The following TPST2 variants were observed in gnomAD, a reference collection of about 807,000 sequenced individuals.
TPST2 encodes the protein tyrosylprotein sulfotransferase 2.
TPST2 carries 16 observed loss-of-function variants against 27.8 expected under a neutral mutation model. That is an observed-to-expected ratio of 0.58 (90% CI 0.39 to 0.88). The LOEUF (loss-of-function observed/expected upper bound fraction) is 0.88. TPST2 is among the 40% of genes least tolerant of loss of function. The pLI is 0.00. For synonymous variants in TPST2, 229 were observed against 231.7 expected (o/e 0.99, Z 0.10); for missense variants, 464 against 543.1 (o/e 0.85, Z 1.45).
rs1416176706 is a variant in TPST2 at position 26,523,559 on chromosome 22, CAG to C, written c.*2714_*2715del. 3.3e-5 allele frequency: 5 copies of C among 152,068 alleles called. No individual in the cohort carries two copies. The highest frequency in any genetic ancestry group is 4.8e-5 in the African/African-American group (2 of 41,404). 9.4% of individuals were successfully genotyped at this position (152,068 alleles called of 1,614,324 possible). A position where few individuals can be genotyped will look rare whatever the true frequency, so the allele number is the denominator to read the frequency against. On this transcript the variant is annotated 3_prime_UTR_variant, in exon 7 of 7. Coordinates refer to ENST00000338754, the MANE Select transcript of TPST2 (RefSeq NM_003595.5). The stretch of plus-strand genomic sequence containing the variant: ...AGTGCTACCACTTAGGGGCTAGAAA[CAG>C]AAATTGTATTTATTTTATTTTGTTT...
chr22:26,559,795 C>T (rs908907199), intron 1 of TPST2, among the ~76,000 whole-genome samples: 2 of 152,136 alleles, frequency 1.3e-5, no homozygotes, highest in Non-Finnish European at 2.9e-5. Flanking sequence ...CAGGTCAAAC[C>T]CTGGTTTCTG....
chr22:26,534,892 C>CA (rs1326470181), intron 4 of TPST2, among the ~76,000 whole-genome samples: 1 of 151,812 alleles, frequency 6.6e-6, no homozygotes, highest in Non-Finnish European at 1.5e-5. Flanking sequence ...ATAAAAATAA[C>CA]AAACCACATC....
chr22:26,559,527 T>C (rs1004796817), intron 1 of TPST2, among the ~76,000 whole-genome samples: 1 of 152,170 alleles, frequency 6.6e-6, no homozygotes, highest in Non-Finnish European at 1.5e-5. Context: ...AAGAGAAACC[T>C]CGTACCCTTA....
In TPST2 at chr22:26,542,229, G is replaced by A. The variant is rs138831176; in HGVS notation, c.-88-511C>T. ...TGCACTCCAGCGTGGGCGACAGAGC[G>A]AGACTCCGTCTAAAAAAAAAAAAAA... On this transcript the variant is annotated intron_variant, in intron 2 of 6. Transcript: ENST00000338754. Among the ~76,000 whole-genome samples the A allele has an allele frequency of 4.9e-3, 699 of 142,264 alleles. 4 individuals are homozygous for A. The highest frequency in any genetic ancestry group is 0.015 in the African/African-American group (577 of 38,838). 93.3% of individuals were successfully genotyped at this position (142,264 alleles called of 152,430 possible).
intron 1 of TPST2, among the ~76,000 whole-genome samples, chr22:26,583,118 GAAA>G (rs113898345): frequency 2.0e-5 from 2 of 99,548 alleles, no homozygotes; most frequent in African/African-American, 7.5e-5. Flanking sequence ...TCTCAAAAAG[GAAA>G]AAAAAAAAAA....
At chr22:26,559,493 A>G (rs1926972966) in intron 1 of TPST2, among the ~76,000 whole-genome samples, 1 of 152,180 alleles carries the variant, frequency 6.6e-6, no homozygotes, top group Non-Finnish European at 1.5e-5. Flanking sequence ...GTCATAGTCA[A>G]TTTTGCTACA....
chr22:26,553,975 G>A (rs544612008), intron 1 of TPST2, among the ~76,000 whole-genome samples: 3 of 152,036 alleles, frequency 2.0e-5, no homozygotes, highest in Non-Finnish European at 2.9e-5. Flanking sequence ...CTGAATCCCC[G>A]CATGCAGAAC....
chr22:26,577,655 T>TC (rs1264439907), intron 1 of TPST2, among the ~76,000 whole-genome samples: 1 of 136,978 alleles, frequency 7.3e-6, no homozygotes, highest in Non-Finnish European at 1.5e-5. Context: ...GGCCATTTTT[T>TC]TTTTTTTTTT....
chr22:26,532,602 C>T (rs1925230345), intron 5 of TPST2, 93 bp downstream of exon 5: 1 of 1,335,800 alleles, frequency 7.5e-7, no homozygotes, highest in African/African-American at 1.5e-5. Context: ...AACCATCAAC[C>T]AGAGTGGAGA....
At chr22:26,569,023 T>C (rs5761607) in intron 1 of TPST2, among the ~76,000 whole-genome samples, 111,921 of 151,766 alleles carry the variant, frequency 0.74, 41,602 homozygotes, top group East Asian at 0.96. Context: ...ACCACCACGC[T>C]CAGCTAATTT....
chr22:26,532,305 G>A (rs1602251742), intron 5 of TPST2, among the ~76,000 whole-genome samples: 1 of 152,136 alleles, frequency 6.6e-6, no homozygotes, highest in East Asian at 1.9e-4. Context: ...TTTTGAGATG[G>A]AGTCTCGCTC....
intron 1 of TPST2, among the ~76,000 whole-genome samples, chr22:26,549,077 C>A (rs2267085): frequency 6.6e-6 from 1 of 152,056 alleles, no homozygotes; most frequent in Non-Finnish European, 1.5e-5. Context: ...ATGTGCCTAG[C>A]GCAAATGAGA....
chr22:26,554,420 G>A (rs1217118544), intron 1 of TPST2, among the ~76,000 whole-genome samples: 1 of 152,104 alleles, frequency 6.6e-6, no homozygotes, highest in African/African-American at 2.4e-5. Flanking sequence ...GTAGGGACCA[G>A]TGCTTCCTGA....
At chr22:26,575,409 T>C (rs1927793465) in intron 1 of TPST2, among the ~76,000 whole-genome samples, 1 of 152,144 alleles carries the variant, frequency 6.6e-6, no homozygotes. Flanking sequence ...CACTTACCAA[T>C]TGCTAAGGGC....
rs182301055 is a variant in TPST2 at position 26,565,802 on chromosome 22, T to C, written c.-160-21127A>G. ...CAATATAAACATTACTGAGATAGTT[T>C]ATAGTCTTTTTTTTTTAATTACTTA... On this transcript the variant is annotated intron_variant, in intron 1 of 6. Transcript: ENST00000338754. The C allele has an allele frequency of 1.3e-3, 191 of 152,294 alleles. 2 individuals carry two copies. The highest frequency in any genetic ancestry group is 4.1e-3 in the African/African-American group (171 of 41,564). The allele number at this position is 152,294 out of a possible 1,614,324, so 9.4% of individuals were successfully genotyped here. A position where few individuals can be genotyped will look rare whatever the true frequency, so the allele number is the denominator to read the frequency against.
At chr22:26,548,070 G>A (rs966976759) in intron 1 of TPST2, among the ~76,000 whole-genome samples, 8 of 152,124 alleles carry the variant, frequency 5.3e-5, no homozygotes, top group Non-Finnish European at 7.4e-5. Context: ...TGGTTTTCTC[G>A]TCTGTAAAAT....
At position 26,541,563 on chromosome 22, in the gene TPST2, T is replaced by C. The variant is rs1463620807; in HGVS notation, c.68A>G (p.Gln23Arg). ...GCACTCTAGCACCTGCTGTCCCAGC[T>C]GAACCGCCAGCACCAGGACCAGGGC... ...GCALVLVLAVQLGQQVLECRA... is the reference protein window; with the variant it reads ...GCALVLVLAVRLGQQVLECRA... Residue 23 changes from glutamine (Q) to arginine (R), a missense_variant, in exon 3 of 7, where the codon CAG (glutamine) becomes CGG (arginine). Physicochemically the swap from Gln to Arg is conservative, Grantham distance 43. Coordinates refer to ENST00000338754, the MANE Select transcript of TPST2 (RefSeq NM_003595.5). This position sits in a 1 kb window ranked among gnomAD's most constrained non-coding sequence, Gnocchi z 5.9. 21 of 1,609,504 alleles carry C rather than the reference T, an allele frequency of 1.3e-5. No individual in the cohort carries two copies. The highest frequency in any genetic ancestry group is 1.5e-5 in the Non-Finnish European group (18 of 1,178,760).
At position 26,536,377 on chromosome 22, in the gene TPST2, G is replaced by C; in HGVS notation, c.952C>G (p.Pro318Ala). 1 of 1,608,144 alleles carries C rather than the reference G, an allele frequency of 6.2e-7. No homozygotes were observed. Among genetic ancestry groups the C allele is most frequent in the Non-Finnish European group, 8.5e-7 (1 of 1,175,434 alleles). Reference protein sequence around the residue: ...DVVRDMAQIAPMLAQLGYDPY... With the variant: ...DVVRDMAQIAAMLAQLGYDPY... ...TCATAGCCGAGCTGAGCCAGCATGG[G>C]GGCGATCTGGGCCATGTCCCGCACC... Residue 318 changes from proline (P) to alanine (A), a missense_variant, in exon 4 of 7, where the codon CCC becomes GCC. Physicochemically the swap from Pro to Ala is conservative, Grantham distance 27 (BLOSUM62 -1). Transcript: ENST00000338754.
chr22:26,537,938 TC>T (rs1421529625), intron 3 of TPST2, among the ~76,000 whole-genome samples: 2 of 152,112 alleles, frequency 1.3e-5, no homozygotes, highest in Non-Finnish European at 2.9e-5. Flanking sequence ...ATTTTTCCAT[TC>T]CCCTGAAGAC....
Sources: gnomAD v4.1 joint callset for allele counts (sites outside exome capture counted in the v4.1 genomes callset) on GRCh38, gnomAD v4.1.1 for gene constraint, Gnocchi (gnomAD v3.1) non-coding constraint, MANE v1.5 for transcripts, NCBI Gene and HGNC (gene_info 2026-07-23, HGNC 2026-07-21) for gene names.